The following PTPRT variants were observed in gnomAD, a reference collection of about 807,000 sequenced individuals.
PTPRT encodes receptor-type tyrosine-protein phosphatase T.
PTPRT carries 56 observed loss-of-function variants against 176.8 expected under a neutral mutation model. The observed-to-expected ratio is 0.32, with a 90% confidence interval of 0.26 to 0.40. PTPRT has a LOEUF of 0.40. PTPRT is among the 10% of genes least tolerant of loss of function. The pLI, the probability that PTPRT is intolerant of heterozygous loss-of-function variation, is 1.00. For synonymous variants in PTPRT, 783 were observed against 739.0 expected, an observed-to-expected ratio of 1.06 and a Z score of -0.96; for missense variants, 1,540 against 1,908.2, an observed-to-expected ratio of 0.81 and a Z score of 3.60.
chr20:42,769,056 T>C (rs1038103244), intron 5 of PTPRT, among the ~76,000 whole-genome samples: 2 of 152,226 alleles, frequency 1.3e-5, no homozygotes, highest in African/African-American at 4.8e-5. Flanking sequence ...CTAATACACT[T>C]GAACACTAAT....
chr20:42,653,675 T>C (rs1230603780), intron 7 of PTPRT, among the ~76,000 whole-genome samples: 2 of 152,194 alleles, frequency 1.3e-5, no homozygotes, highest in Non-Finnish European at 2.9e-5. Context: ...CATAAAATTA[T>C]TTTGAACTAT....
At chr20:42,238,154 G>T (rs113593784) in intron 14 of PTPRT, among the ~76,000 whole-genome samples, 2,043 of 152,212 alleles carry the variant, frequency 0.013, 42 homozygotes, top group African/African-American at 0.047. Flanking sequence ...TAGAAAATTT[G>T]CCCGAGGCTC....
chr20:42,775,024 G>A (rs564007987), intron 4 of PTPRT, among the ~76,000 whole-genome samples: 1 of 152,276 alleles, frequency 6.6e-6, no homozygotes, highest in South Asian at 2.1e-4. Flanking sequence ...TATTCCACGA[G>A]CTTCAAATCA....
chr20:42,757,760 T>C (rs908616872), intron 5 of PTPRT, among the ~76,000 whole-genome samples: 5 of 152,332 alleles, frequency 3.3e-5, no homozygotes, highest in African/African-American at 1.2e-4. Flanking sequence ...TGGGCTTTTG[T>C]CTTCAGCATC....
chr20:42,948,811 A>G (rs1385966382), intron 1 of PTPRT, among the ~76,000 whole-genome samples: 2 of 152,192 alleles, frequency 1.3e-5, no homozygotes, highest in African/African-American at 4.8e-5. Context: ...CAACAACCCC[A>G]GCTAGAGCGA....
At chr20:42,230,443 C>T (rs1465249311) in intron 15 of PTPRT, among the ~76,000 whole-genome samples, 4 of 152,162 alleles carry the variant, frequency 2.6e-5, no homozygotes, top group Admixed American at 6.5e-5. Flanking sequence ...AACCTGTGGA[C>T]ACATGCCAAC....
At chr20:42,972,676 C>CAA (rs33947245) in intron 1 of PTPRT, among the ~76,000 whole-genome samples, 4,936 of 77,348 alleles carry the variant, frequency 0.064, 114 homozygotes, top group African/African-American at 0.092. Context: ...TCTCAAAAAG[C>CAA]AAAAAAAAAA....
chr20:42,528,588 T>A (rs1481268908), intron 7 of PTPRT, among the ~76,000 whole-genome samples: 1 of 152,172 alleles, frequency 6.6e-6, no homozygotes, highest in Non-Finnish European at 1.5e-5. Flanking sequence ...ATATCTTGGG[T>A]CTGGGTCTCT....
At chr20:42,760,691 T>C (rs2076903031) in intron 5 of PTPRT, among the ~76,000 whole-genome samples, 1 of 152,198 alleles carries the variant, frequency 6.6e-6, no homozygotes, top group African/African-American at 2.4e-5. Flanking sequence ...AAAGTCCCTG[T>C]CAAAGTTCTT....
At chr20:43,119,933 A>C (rs1280751552) in intron 1 of PTPRT, among the ~76,000 whole-genome samples, 1 of 152,192 alleles carries the variant, frequency 6.6e-6, no homozygotes, top group Non-Finnish European at 1.5e-5. Context: ...ACCCTGGTTA[A>C]GTCCCTGAAA....
chr20:42,363,403 C>T (rs113848860), intron 9 of PTPRT, among the ~76,000 whole-genome samples: 13 of 143,802 alleles, frequency 9.0e-5, no homozygotes, highest in African/African-American at 1.3e-4. Context: ...CTCCGCCTCC[C>T]GGGTACAAGC....
Position 42,193,024 on chromosome 20 carries a change from G to A in PTPRT, c.2491+6216C>T, listed in dbSNP as rs563701409. ...TTGATTTCCTGTCTCTCCTTCACTC[G>A]CCTTCATGGTAGAGAGACCGCTAAA... On this transcript the variant is annotated intron_variant, in intron 16 of 30. Coordinates refer to ENST00000373187, the MANE Select transcript of PTPRT (RefSeq NM_007050.6). Among the ~76,000 whole-genome samples, 10 of 152,266 alleles carry A rather than the reference G, an allele frequency of 6.6e-5. No individual in the cohort carries two copies. The South Asian group carries it at 2.1e-3, about 32-fold the overall frequency.
At chr20:42,631,985 C>A (rs541313219) in intron 7 of PTPRT, among the ~76,000 whole-genome samples, 15 of 152,140 alleles carry the variant, frequency 9.9e-5, no homozygotes, top group East Asian at 9.7e-4. Context: ...ATGGTGAATG[C>A]CTGTTTTTGT....
rs138963730 is a variant in PTPRT at position 42,926,939 on chromosome 20, C to T, written c.89-41007G>A. On this transcript the variant is annotated intron_variant, in intron 1 of 30. Transcript: ENST00000373187. ...ACTTCAACTCCTGCTCCAGGCCATC[C>T]CAGAGATGGCTATTACCAGGGAAAG... Among the ~76,000 whole-genome samples the T allele has an allele frequency of 4.6e-5, 7 of 152,208 alleles. No individual in the cohort carries two copies. The East Asian group carries it at 1.4e-3, about 29-fold the overall frequency.
At chr20:42,751,142 A>G (rs1236549133) in intron 6 of PTPRT, among the ~76,000 whole-genome samples, 5 of 152,172 alleles carry the variant, frequency 3.3e-5, no homozygotes, top group Non-Finnish European at 5.9e-5. Flanking sequence ...TTTGGGGAGA[A>G]AGAGAGACCA....
At chr20:42,908,199 G>A (rs1251828415) in intron 1 of PTPRT, among the ~76,000 whole-genome samples, 5 of 152,030 alleles carry the variant, frequency 3.3e-5, no homozygotes, top group South Asian at 2.1e-4. Context: ...TCCAGCCCAC[G>A]ACCATGTGAC....
intron 1 of PTPRT, among the ~76,000 whole-genome samples, chr20:42,938,533 G>T (rs1246171416): frequency 6.6e-6 from 1 of 152,156 alleles, no homozygotes; most frequent in Admixed American, 6.5e-5. Context: ...AGGCACTGAA[G>T]AAGAAAGAGT....
intron 16 of PTPRT, among the ~76,000 whole-genome samples, chr20:42,184,541 C>CCTCTTCTTCTTCTTCTTCT (rs1990660319): frequency 1.1e-5 from 1 of 91,546 alleles, no homozygotes; most frequent in Non-Finnish European, 2.1e-5. Flanking sequence ...CTTCCTCTTC[C>CCTCTTCTTCTTCTTCTTCT]TCTTCTTCTT....
chr20:43,053,835 A>G (rs947454696), intron 1 of PTPRT, among the ~76,000 whole-genome samples: 3 of 152,220 alleles, frequency 2.0e-5, no homozygotes, highest in African/African-American at 7.2e-5. Flanking sequence ...CATTTTCCCA[A>G]TGAAAATGAG....
Sources: gnomAD v4.1 joint callset for allele counts (sites outside exome capture counted in the v4.1 genomes callset) on GRCh38, gnomAD v4.1.1 for gene constraint, MANE v1.5 for transcripts, NCBI Gene and HGNC (gene_info 2026-07-23, HGNC 2026-07-21) for gene names.